Variants in RBM47 observed in about 807,000 individuals in gnomAD.
RBM47 encodes RNA-binding protein 47.
RBM47 carries 21 observed loss-of-function variants against 47.1 expected under a neutral mutation model. The observed-to-expected ratio is 0.45, with a 90% confidence interval of 0.32 to 0.64. The LOEUF (loss-of-function observed/expected upper bound fraction) is 0.64. Ranked by LOEUF, RBM47 falls within the 30% of genes least tolerant of loss-of-function variation. The pLI, the probability that RBM47 is intolerant of heterozygous loss-of-function variation, is 0.05. For missense variants in RBM47, 708 were observed against 870.9 expected (o/e 0.81, Z 2.35); for synonymous variants, 375 against 361.7 (o/e 1.04, Z -0.42).
chr4:40,498,602 G>A (rs1256522681), intron 2 of RBM47, among the ~76,000 whole-genome samples: 4 of 149,192 alleles, frequency 2.7e-5, no homozygotes, highest in African/African-American at 1.0e-4. Flanking sequence ...CCACCCAGAA[G>A]GTGGAGGTTG....
At chr4:40,471,618 C>T (rs748286136) in intron 2 of RBM47, among the ~76,000 whole-genome samples, 7 of 150,638 alleles carry the variant, frequency 4.6e-5, no homozygotes, top group African/African-American at 1.5e-4. Context: ...TGCTTGAATC[C>T]GGGAGGTGGA....
chr4:40,622,046 T>A (rs1171594334), intron 1 of RBM47, among the ~76,000 whole-genome samples: 1 of 152,248 alleles, frequency 6.6e-6, no homozygotes, highest in Non-Finnish European at 1.5e-5. Flanking sequence ...GCTTGAAATG[T>A]GTAAAAGCCT....
chr4:40,589,315 A>T (rs1733905908), intron 1 of RBM47, among the ~76,000 whole-genome samples: 1 of 152,246 alleles, frequency 6.6e-6, no homozygotes, highest in African/African-American at 2.4e-5. Flanking sequence ...CTTACTGTGT[A>T]AAATGATTGT....
intron 2 of RBM47, among the ~76,000 whole-genome samples, chr4:40,515,229 C>T (rs959740268): frequency 1.1e-4 from 17 of 152,138 alleles, no homozygotes; most frequent in Non-Finnish European, 2.4e-4. Flanking sequence ...CAGGTGCCTC[C>T]TGGTACCACC....
chr4:40,505,054 G>A (rs914917369), intron 2 of RBM47, among the ~76,000 whole-genome samples: 2 of 152,110 alleles, frequency 1.3e-5, no homozygotes, highest in East Asian at 1.9e-4. Context: ...AGTTAGGCAC[G>A]GTGGCACATG....
chr4:40,426,067 C>T lies in RBM47; in HGVS notation c.1619G>A (p.Ser540Asn), dbSNP rs780196978. Residue 540 changes from serine to asparagine, a missense_variant, in exon 7 of 7, where the codon AGT becomes AAT. By Grantham distance (46) the Ser-to-Asn change is conservative. Transcript: ENST00000295971. ...RIPTAGIYGA[S>N]YVPFAAPATA... ...AGCTGGAGCAGCAAATGGCACGTAA[C>T]TGGCCCCGTAGATCCCGGCAGTAGG... 6.2e-7 allele frequency: 1 copy of T among 1,614,242 alleles called. No homozygotes were observed. The highest frequency in any genetic ancestry group is 8.5e-7 in the Non-Finnish European group (1 of 1,180,048).
chr4:40,587,124 G>C (rs947765329), intron 1 of RBM47, among the ~76,000 whole-genome samples: 4 of 152,156 alleles, frequency 2.6e-5, no homozygotes, highest in Non-Finnish European at 4.4e-5. Flanking sequence ...TGCATGGAAA[G>C]GGCTTTGTGA....
intron 2 of RBM47, chr4:40,543,786 CT>C (rs201413208): frequency 1.4e-4 from 22 of 152,042 alleles, no homozygotes; most frequent in African/African-American, 5.1e-4. Context: ...GATAATGTGA[CT>C]TCATTTCAAA....
chr4:40,462,079 T>C (rs575867611), intron 3 of RBM47, among the ~76,000 whole-genome samples: 1 of 152,256 alleles, frequency 6.6e-6, no homozygotes, highest in Admixed American at 6.5e-5. Flanking sequence ...TGCATTAGCA[T>C]GGCACTACTG....
intron 1 of RBM47, among the ~76,000 whole-genome samples, chr4:40,626,052 C>T (rs898419027): frequency 4.6e-5 from 7 of 152,174 alleles, no homozygotes; most frequent in Admixed American, 2.0e-4. Flanking sequence ...ATCACTTTTA[C>T]GTGATCAGCT....
At chr4:40,571,344 T>A (rs1731686636) in intron 1 of RBM47, among the ~76,000 whole-genome samples, 1 of 152,068 alleles carries the variant, frequency 6.6e-6, no homozygotes, top group South Asian at 2.1e-4. Flanking sequence ...AAGAGGTGTA[T>A]CATACCAGTA....
chr4:40,602,520 C>T (rs1274998483), intron 1 of RBM47, among the ~76,000 whole-genome samples: 4 of 151,658 alleles, frequency 2.6e-5, no homozygotes, highest in South Asian at 2.1e-4. Context: ...TGGTGGCGCA[C>T]GCCTGTAGTC....
At chr4:40,461,530 C>T (rs1577690789) in intron 3 of RBM47, among the ~76,000 whole-genome samples, 1 of 152,182 alleles carries the variant, frequency 6.6e-6, no homozygotes, top group Non-Finnish European at 1.5e-5. Flanking sequence ...TGAGGACCTA[C>T]AGCAGCCCAC....
chr4:40,603,791 G>T (rs1297837895), intron 1 of RBM47, among the ~76,000 whole-genome samples: 1 of 152,018 alleles, frequency 6.6e-6, no homozygotes, highest in South Asian at 2.1e-4. Context: ...TTGTAGAGAC[G>T]GGGTTTCACC....
At chr4:40,567,369 G>T (rs1232997262) in intron 1 of RBM47, among the ~76,000 whole-genome samples, 1 of 151,958 alleles carries the variant, frequency 6.6e-6, no homozygotes, top group African/African-American at 2.4e-5. Flanking sequence ...CTATATATAA[G>T]TTCTCTCATT....
chr4:40,482,023 C>T (rs370970380), intron 2 of RBM47, among the ~76,000 whole-genome samples: 21 of 152,246 alleles, frequency 1.4e-4, no homozygotes, highest in South Asian at 8.3e-4. Context: ...TGTGAGCCAC[C>T]GTACCTGGCC....
intron 2 of RBM47, among the ~76,000 whole-genome samples, chr4:40,471,005 A>G (rs1362389765): frequency 6.6e-6 from 1 of 152,120 alleles, no homozygotes; most frequent in African/African-American, 2.4e-5. Context: ...GGCCTCCCAA[A>G]GTGCTGGGAT....
chr4:40,604,477 A>T (rs1735565024), intron 1 of RBM47, among the ~76,000 whole-genome samples: 2 of 152,122 alleles, frequency 1.3e-5, no homozygotes, highest in African/African-American at 4.8e-5. Flanking sequence ...TGTTTTAAAA[A>T]TTAGCCAGGC....
chr4:40,488,668 G>A lies in RBM47; in HGVS notation c.-154-21969C>T, dbSNP rs145515351. 5.4e-4 allele frequency among the ~76,000 whole-genome samples: 82 copies of A among 152,246 alleles called. No individual in the cohort carries two copies. In the Middle Eastern group the frequency reaches 0.027, roughly 51 times the overall value. On this transcript the variant is annotated intron_variant, in intron 2 of 6. Transcript: ENST00000295971. ...AGGTCCACCCTGGTAGTACATACAG[G>A]AGAGTTCATAGATGGTTGGCAAAGA...
Sources: allele counts gnomAD v4.1 joint callset (sites outside exome capture counted in the v4.1 genomes callset), GRCh38; gene constraint gnomAD v4.1.1; transcripts MANE v1.5; gene names NCBI Gene and HGNC (gene_info 2026-07-23, HGNC 2026-07-21).